KCNE4: variants seen among roughly 807,000 people sequenced by gnomAD.
KCNE4 encodes the protein potassium voltage-gated channel subfamily E regulatory subunit 4.
A neutral mutation model predicts 9.2 loss-of-function variants in KCNE4; 6 were observed. That is an observed-to-expected ratio of 0.65 (90% CI 0.36 to 1.29). KCNE4 has a LOEUF of 1.29. Among genes scored for constraint, KCNE4 ranks in the 50% most tolerant of loss-of-function variants. The probability of loss-of-function intolerance (pLI) is 0.03; values close to 1 mark genes in which losing one functional copy is unlikely to be tolerated. For synonymous variants in KCNE4, 115 were observed against 103.2 expected (o/e 1.11, Z -0.70); for missense variants, 222 against 228.8 (o/e 0.97, Z 0.19).
chr2:223,053,051 A>G lies in KCNE4; in HGVS notation c.221A>G (p.Lys74Arg). ...AAGTCCAGCCTCCTGCTGCTGTACA[A>G]AGACGAGGAGCGGCTCTGGGGGGAG... ...EKKSSLLLLY[K>R]DEERLWGEAM... Residue 74 changes from lysine to arginine, a missense_variant, in exon 2 of 2, where the codon AAA (lysine) becomes AGA (arginine). Physicochemically the swap from Lys to Arg is conservative, Grantham distance 26 (BLOSUM62 2). Coordinates refer to ENST00000281830, the MANE Select transcript of KCNE4 (RefSeq NM_080671.4). This position sits in a 1 kb window ranked among gnomAD's most constrained non-coding sequence, Gnocchi z 4.1. 1 of 1,614,180 alleles carries G rather than the reference A, an allele frequency of 6.2e-7. No homozygotes were observed.
rs184976487 is a variant in KCNE4 at position 223,053,062 on chromosome 2, C to T, written c.232C>T (p.Arg78Trp). 4.3e-6 allele frequency: 7 copies of T among 1,614,048 alleles called. No homozygotes were observed. The highest frequency in any genetic ancestry group is 2.2e-5 in the East Asian group (1 of 44,878). The change falls in exon 2 of 2, where the codon CGG becomes TGG. Residue 78 changes from arginine (R) to tryptophan (W), a missense_variant. Coordinates refer to ENST00000281830, the MANE Select transcript of KCNE4 (RefSeq NM_080671.4). This position sits in a 1 kb window ranked among gnomAD's most constrained non-coding sequence, Gnocchi z 4.1. ...SLLLLYKDEE[R>W]LWGEAMKPLP... ...CCTGCTGCTGTACAAAGACGAGGAG[C>T]GGCTCTGGGGGGAGGCCATGAAGCC...
Position 223,053,543 on chromosome 2 carries a change from G to A in KCNE4, c.*200G>A. On this transcript the variant is annotated 3_prime_UTR_variant, in exon 2 of 2. Transcript: ENST00000281830. The surrounding 1 kb of genome is among the most constrained non-coding windows in gnomAD (Gnocchi z 4.1). ...CCAAGGAGTCCGGGAGGTGCCTGTG[G>A]TTTGCACCCACCACTGAAAAAGCCG... 5 of 628,222 alleles carry A rather than the reference G, an allele frequency of 8.0e-6. No individual in the cohort carries two copies. The highest frequency in any genetic ancestry group is 1.4e-5 in the Non-Finnish European group (5 of 347,050). 38.9% of individuals were successfully genotyped at this position (628,222 alleles called of 1,614,324 possible).
rs1698750546 is a variant in KCNE4 at position 223,055,277 on chromosome 2, C to T, written c.*1934C>T. 1.2e-5 allele frequency: 2 copies of T among 167,074 alleles called. No individual in the cohort carries two copies. Among genetic ancestry groups the T allele is most frequent in the South Asian group, 4.2e-4 (2 of 4,816 alleles). 10.3% of individuals were successfully genotyped at this position (167,074 alleles called of 1,614,324 possible). A position where few individuals can be genotyped will look rare whatever the true frequency, so the allele number is the denominator to read the frequency against. ...TTTATCAGTCCGCTTTGACATACAG[C>T]TAAAGGAAATTTATGTTTGGGGGAA... On this transcript the variant is annotated 3_prime_UTR_variant, in exon 2 of 2. Transcript: ENST00000281830.
Position 223,053,679 on chromosome 2 carries a change from C to T in KCNE4, c.*336C>T. The T allele has an allele frequency of 5.4e-6, 2 of 372,730 alleles. No individual in the cohort carries two copies. The highest frequency in any genetic ancestry group is 1.1e-5 in the Non-Finnish European group (2 of 187,402). The allele number at this position is 372,730 out of a possible 1,614,324, so 23.1% of individuals were successfully genotyped here. A position where few individuals can be genotyped will look rare whatever the true frequency, so the allele number is the denominator to read the frequency against. On this transcript the variant is annotated 3_prime_UTR_variant, in exon 2 of 2. Coordinates refer to ENST00000281830, the MANE Select transcript of KCNE4 (RefSeq NM_080671.4). The surrounding 1 kb of genome is among the most constrained non-coding windows in gnomAD (Gnocchi z 4.1). ...TTCTCACTGGATGCCCTGGGTAGCT[C>T]CTGCAGGGTCTGCCTGTTCCCAGGG...
Position 223,053,544 on chromosome 2 carries a change from T to C in KCNE4, c.*201T>C. The C allele has an allele frequency of 1.6e-6, 1 of 626,952 alleles. No individual in the cohort carries two copies. 38.8% of individuals were successfully genotyped at this position (626,952 alleles called of 1,614,324 possible). A position where few individuals can be genotyped will look rare whatever the true frequency, so the allele number is the denominator to read the frequency against. On this transcript the variant is annotated 3_prime_UTR_variant, in exon 2 of 2. Transcript: ENST00000281830. The surrounding 1 kb of genome is among the most constrained non-coding windows in gnomAD (Gnocchi z 4.1). The stretch of plus-strand genomic sequence containing the variant: ...CAAGGAGTCCGGGAGGTGCCTGTGG[T>C]TTGCACCCACCACTGAAAAAGCCGC...
In KCNE4 at chr2:223,052,957, A is replaced by G. The variant is rs373075997; in HGVS notation, c.127A>G (p.Met43Val). 7 of 1,614,088 alleles carry G rather than the reference A, an allele frequency of 4.3e-6. No individual in the cohort carries two copies. Among genetic ancestry groups the G allele is most frequent in the South Asian group, 2.2e-5 (2 of 91,088 alleles). Residue 43 changes from methionine to valine, a missense_variant, in exon 2 of 2, where the codon ATG (methionine) becomes GTG (valine). Met to Val is a conservative substitution (Grantham distance 21). Transcript: ENST00000281830. ...CGAGTACTTCTACATTCTGGTTGTCATGTCCTTCTACGGCATTTTCTTGAT... is the reference window on the plus strand; with the variant it reads ...CGAGTACTTCTACATTCTGGTTGTCGTGTCCTTCTACGGCATTTTCTTGAT... ...GNEYFYILVVMSFYGIFLIGI... is the reference protein window; with the variant it reads ...GNEYFYILVVVSFYGIFLIGI...
Position 223,053,725 on chromosome 2 carries a change from G to A in KCNE4, c.*382G>A. On this transcript the variant is annotated 3_prime_UTR_variant, in exon 2 of 2. Transcript: ENST00000281830. The surrounding 1 kb of genome is among the most constrained non-coding windows in gnomAD (Gnocchi z 4.1). Reference sequence around the variant, plus strand: ...CAGGGCTGCCGAATGCTTAGGACACGCTGAGAGACTAGTTGTGATTTGCTA... The same window carrying A: ...CAGGGCTGCCGAATGCTTAGGACACACTGAGAGACTAGTTGTGATTTGCTA... The A allele has an allele frequency of 6.9e-6, 2 of 289,960 alleles. No homozygotes were observed. Among genetic ancestry groups the A allele is most frequent in the Non-Finnish European group, 1.4e-5 (2 of 139,720 alleles). The allele number at this position is 289,960 out of a possible 1,614,324, so 18.0% of individuals were successfully genotyped here. A position where few individuals can be genotyped will look rare whatever the true frequency, so the allele number is the denominator to read the frequency against.
rs1233817939 is a variant in KCNE4 at position 223,053,227 on chromosome 2, G to A, written c.397G>A (p.Asp133Asn). The A allele has an allele frequency of 6.2e-7, 1 of 1,613,882 alleles. No individual in the cohort carries two copies. ...CGTGAGCTCCGAGTCCTCCTCCCCG[G>A]ACGTGCACCTCACCATTCAGGAGGA... ...DSVSSESSSP[D>N]VHLTIQEEGA... is the part of the protein sequence containing the mutation. Residue 133 changes from aspartate (D) to asparagine (N), a missense_variant, in exon 2 of 2, where the codon GAC (aspartate) becomes AAC (asparagine). By Grantham distance (23) the Asp-to-Asn change is conservative. Coordinates refer to ENST00000281830, the MANE Select transcript of KCNE4 (RefSeq NM_080671.4). The surrounding 1 kb of genome is among the most constrained non-coding windows in gnomAD (Gnocchi z 4.1).
rs763999451 is a variant in KCNE4, at chr2:223,053,307, C to T, written c.477C>T (p.Ser159=). 8.7e-6 allele frequency: 14 copies of T among 1,613,822 alleles called. No homozygotes were observed. Among genetic ancestry groups the T allele is most frequent in the African/African-American group, 1.3e-5 (1 of 74,922 alleles). The change falls in exon 2 of 2, where the codon AGC becomes AGT. Residue 159 remains serine (S), a synonymous_variant. Coordinates refer to ENST00000281830, the MANE Select transcript of KCNE4 (RefSeq NM_080671.4). This position sits in a 1 kb window ranked among gnomAD's most constrained non-coding sequence, Gnocchi z 4.1. ...CGGAGACGCCCCTCAACGAGAGCAG[C>T]GAAGGGTCCTCGGAGAACATCCATC... The part of the protein sequence containing the change: ...ETSETPLNES[S]EGSSENIHQN...
chr2:223,053,515 C>CTA lies in KCNE4; in HGVS notation c.*172_*173insTA. 1 of 710,516 alleles carries CTA rather than the reference C, an allele frequency of 1.4e-6. No individual in the cohort carries two copies. The highest frequency in any genetic ancestry group is 2.5e-6 in the Non-Finnish European group (1 of 404,456). 44.0% of individuals were successfully genotyped at this position (710,516 alleles called of 1,614,324 possible). On this transcript the variant is annotated 3_prime_UTR_variant, in exon 2 of 2. Transcript: ENST00000281830. The surrounding 1 kb of genome is among the most constrained non-coding windows in gnomAD (Gnocchi z 4.1). ...GGACTAGGCTCAGCCGGAACCAGCA[C>CTA]CTCCAAGGAGTCCGGGAGGTGCCTG...
At position 223,054,394 on chromosome 2, in the gene KCNE4, T is replaced by A. The variant is rs1244306577; in HGVS notation, c.*1051T>A. 6.0e-6 allele frequency: 1 copy of A among 167,052 alleles called. No individual in the cohort carries two copies. Among genetic ancestry groups the A allele is most frequent in the Non-Finnish European group, 1.5e-5 (1 of 68,110 alleles). 10.3% of individuals were successfully genotyped at this position (167,052 alleles called of 1,614,324 possible). Reference sequence around the variant, plus strand: ...TGTCTGCATGAGGCTCCCGACGATCTCCATCCCCAGGGGGTTGGGAGGATG... The same window carrying A: ...TGTCTGCATGAGGCTCCCGACGATCACCATCCCCAGGGGGTTGGGAGGATG... On this transcript the variant is annotated 3_prime_UTR_variant, in exon 2 of 2. Coordinates refer to ENST00000281830, the MANE Select transcript of KCNE4 (RefSeq NM_080671.4).
At position 223,053,713 on chromosome 2, in the gene KCNE4, T is replaced by C. The variant is rs1462715209; in HGVS notation, c.*370T>C. The C allele has an allele frequency of 6.3e-6, 2 of 317,464 alleles. No homozygotes were observed. The highest frequency in any genetic ancestry group is 3.9e-5 in the South Asian group (1 of 25,898). The allele number at this position is 317,464 out of a possible 1,614,324, so 19.7% of individuals were successfully genotyped here. A position where few individuals can be genotyped will look rare whatever the true frequency, so the allele number is the denominator to read the frequency against. On this transcript the variant is annotated 3_prime_UTR_variant, in exon 2 of 2. Coordinates refer to ENST00000281830, the MANE Select transcript of KCNE4 (RefSeq NM_080671.4). This position sits in a 1 kb window ranked among gnomAD's most constrained non-coding sequence, Gnocchi z 4.1. ...TCTGCCTGTTCCCAGGGCTGCCGAATGCTTAGGACACGCTGAGAGACTAGT... is the reference window on the plus strand; with the variant it reads ...TCTGCCTGTTCCCAGGGCTGCCGAACGCTTAGGACACGCTGAGAGACTAGT...
chr2:223,052,194 C>T lies in KCNE4; in HGVS notation c.-104C>T, dbSNP rs1698704692. The T allele has an allele frequency of 3.2e-6, 4 of 1,232,258 alleles. No homozygotes were observed. Among genetic ancestry groups the T allele is most frequent in the South Asian group, 8.2e-5 (2 of 24,322 alleles). 76.3% of individuals were successfully genotyped at this position (1,232,258 alleles called of 1,614,324 possible). A position where few individuals can be genotyped will look rare whatever the true frequency, so the allele number is the denominator to read the frequency against. Reference sequence around the variant, plus strand: ...AACTGCAGCAGCGGAGTTGTCAGAGCGCAGAGCCGGACAGAGCAGAAGAAC... The same window carrying T: ...AACTGCAGCAGCGGAGTTGTCAGAGTGCAGAGCCGGACAGAGCAGAAGAAC... On this transcript the variant is annotated 5_prime_UTR_variant, in exon 1 of 2. Coordinates refer to ENST00000281830, the MANE Select transcript of KCNE4 (RefSeq NM_080671.4).
chr2:223,052,773 TG>T (rs1238338604), intron 1 of KCNE4, 34 bp from the exon 2 acceptor site: 2 of 1,598,550 alleles, frequency 1.3e-6, no homozygotes, highest in African/African-American at 2.7e-5. Flanking sequence ...GCCCAGGACC[TG>T]GGGGAGAGTT....
Position 223,052,874 on chromosome 2 carries a change from C to A in KCNE4, c.44C>A (p.Ala15Asp), listed in dbSNP as rs1315367221. 6.2e-7 allele frequency: 1 copy of A among 1,613,800 alleles called. No homozygotes were observed. Among genetic ancestry groups the A allele is most frequent in the African/African-American group, 1.3e-5 (1 of 75,070 alleles). Residue 15 changes from alanine to aspartate, a missense_variant, in exon 2 of 2, where the codon GCC becomes GAC. Coordinates refer to ENST00000281830, the MANE Select transcript of KCNE4 (RefSeq NM_080671.4). ...CTGAACAGCACGCACCCCGGCACCG[C>A]CGCCTCCAGCAGCCCCCTGGAGTCC... The part of the protein sequence containing the change: ...EPLNSTHPGT[A>D]ASSSPLESRA...
At position 223,053,172 on chromosome 2, in the gene KCNE4, C is replaced by T. The variant is rs1698721326; in HGVS notation, c.342C>T (p.Ser114=). 6.2e-7 allele frequency: 1 copy of T among 1,611,574 alleles called. No homozygotes were observed. The highest frequency in any genetic ancestry group is 8.5e-7 in the Non-Finnish European group (1 of 1,178,282). The part of the protein sequence containing the change: ...MLQESVAPAL[S]CTLCSMEGDS... ...AGGAGAGCGTGGCGCCCGCGCTGTC[C>T]TGCACCCTCTGTTCCATGGAAGGGG... The change falls in exon 2 of 2, where the codon TCC becomes TCT. Residue 114 remains serine (S), a synonymous_variant. Coordinates refer to ENST00000281830, the MANE Select transcript of KCNE4 (RefSeq NM_080671.4). This position sits in a 1 kb window ranked among gnomAD's most constrained non-coding sequence, Gnocchi z 4.1.
rs1303364076 is a variant in KCNE4 at position 223,054,934 on chromosome 2, T to G, written c.*1591T>G. ...GTGCAGTGGTGCAATCTTGGCTCACTGCAACCTCCACCTCCTGGGTTTCAG... is the reference window on the plus strand; with the variant it reads ...GTGCAGTGGTGCAATCTTGGCTCACGGCAACCTCCACCTCCTGGGTTTCAG... On this transcript the variant is annotated 3_prime_UTR_variant, in exon 2 of 2. Coordinates refer to ENST00000281830, the MANE Select transcript of KCNE4 (RefSeq NM_080671.4). The G allele has an allele frequency of 6.0e-6, 1 of 166,458 alleles. No homozygotes were observed. Among genetic ancestry groups the G allele is most frequent in the Non-Finnish European group, 1.5e-5 (1 of 68,110 alleles). The allele number at this position is 166,458 out of a possible 1,614,324, so 10.3% of individuals were successfully genotyped here.
chr2:223,052,995 G>A lies in KCNE4; in HGVS notation c.165G>A (p.Leu55=), dbSNP rs145908714. ...GCATTTTCTTGATCGGAATCATGCT[G>A]GGCTACATGAAATCCAAGAGGCGGG... ...FYGIFLIGIM[L]GYMKSKRREK... is the part of the protein sequence containing the mutation. The change falls in exon 2 of 2, where the codon CTG becomes CTA. Residue 55 remains leucine, a synonymous_variant. Transcript: ENST00000281830. 6.2e-6 allele frequency: 10 copies of A among 1,614,088 alleles called. No homozygotes were observed. The highest frequency in any genetic ancestry group is 7.6e-6 in the Non-Finnish European group (9 of 1,180,036).
chr2:223,052,933 G>C lies in KCNE4; in HGVS notation c.103G>C (p.Glu35Gln), dbSNP rs1306379028. The C allele has an allele frequency of 2.5e-6, 4 of 1,614,192 alleles. No individual in the cohort carries two copies. In the African/African-American group the frequency reaches 5.3e-5, roughly 22 times the overall value. The stretch of plus-strand genomic sequence containing the variant: ...CGGCGGCGGCAGCGGCAATGGCAAC[G>C]AGTACTTCTACATTCTGGTTGTCAT... ...AAGGGSGNGN[E>Q]YFYILVVMSF... Residue 35 changes from glutamate to glutamine, a missense_variant, in exon 2 of 2, where the codon GAG becomes CAG. Coordinates refer to ENST00000281830, the MANE Select transcript of KCNE4 (RefSeq NM_080671.4).
Sources: gnomAD v4.1 joint callset for allele counts on GRCh38, gnomAD v4.1.1 for gene constraint, Gnocchi (gnomAD v3.1) non-coding constraint, MANE v1.5 for transcripts, NCBI Gene and HGNC (gene_info 2026-07-23, HGNC 2026-07-21) for gene names.